SLC2A9: variants seen among roughly 807,000 people sequenced by gnomAD.
SLC2A9 encodes solute carrier family 2, facilitated glucose transporter member 9.
A neutral mutation model predicts 50.6 loss-of-function variants in SLC2A9; 39 were observed. The observed-to-expected ratio is 0.77, with a 90% confidence interval of 0.60 to 1.01. The LOEUF (loss-of-function observed/expected upper bound fraction) is 1.01. SLC2A9 is among the 50% of genes least tolerant of loss of function. SLC2A9 has a pLI of 0.00. For synonymous variants in SLC2A9, 324 were observed against 276.9 expected, an observed-to-expected ratio of 1.17 and a Z score of -1.69; for missense variants, 686 against 677.6, an observed-to-expected ratio of 1.01 and a Z score of -0.14.
chr4:9,986,202 CA>C (rs1433031245), intron 3 of SLC2A9, among the ~76,000 whole-genome samples: 1 of 152,130 alleles, frequency 6.6e-6, no homozygotes, highest in Non-Finnish European at 1.5e-5. Context: ...ACCGAGATGT[CA>C]AAAAGGAAGA....
chr4:10,037,430 C>A (rs1185026610), intron 1 of SLC2A9, among the ~76,000 whole-genome samples: 1 of 152,166 alleles, frequency 6.6e-6, no homozygotes. Flanking sequence ...CCTTTTTCTC[C>A]TGGCCTCCTC....
intron 4 of SLC2A9, among the ~76,000 whole-genome samples, chr4:9,984,200 C>T (rs1260546331): frequency 6.6e-6 from 1 of 152,206 alleles, no homozygotes; most frequent in South Asian, 2.1e-4. Flanking sequence ...GATTATTCCC[C>T]TCCAGCAGGG....
At chr4:9,800,948 C>T (rs938482158) in intron 3 of SLC2A9, among the ~76,000 whole-genome samples, 9 of 152,114 alleles carry the variant, frequency 5.9e-5, no homozygotes, top group Admixed American at 6.5e-5. Context: ...TGCAGTCAGG[C>T]GCAGTCCCTG....
In SLC2A9 at chr4:10,032,537, G is replaced by A. The variant is rs74393878; in HGVS notation, c.-40-6531C>T. ...AGCTGCTGGCTGCTGGGCTGTCAGG[G>A]TTGGGGAGAATGGGGGGATGGTGAC... On this transcript the variant is annotated intron_variant, in intron 1 of 12. Transcript: ENST00000309065. Among the ~76,000 whole-genome samples the A allele has an allele frequency of 1.1e-4, 17 of 152,218 alleles. 1 individual carries two copies. In the East Asian group the frequency reaches 3.3e-3, roughly 29 times the overall value.
rs1417182353 is a variant in SLC2A9, at chr4:10,008,898, T to C, written c.249+10077A>G. Among the ~76,000 whole-genome samples the C allele has an allele frequency of 5.0e-5, 7 of 139,720 alleles. No homozygotes were observed. The East Asian group carries it at 1.2e-3, about 24-fold the overall frequency. 91.7% of individuals were successfully genotyped at this position (139,720 alleles called of 152,430 possible). On this transcript the variant is annotated intron_variant, in intron 2 of 11. Transcript: ENST00000264784. ...GCTTCATTATCAAATTTCTGTGCGG[T>C]GGTTTTTTTTTTTTTTTTTCCTAAT...
downstream of SLC2A9, among the ~76,000 whole-genome samples, chr4:9,824,914 T>C (rs1384558500): frequency 6.6e-6 from 1 of 152,184 alleles, no homozygotes; most frequent in African/African-American, 2.4e-5. Context: ...CAAAGCTGGA[T>C]GGCATAGTGC....
chr4:9,782,928 T>G (rs1265529628), intron 3 of SLC2A9: 2 of 1,613,932 alleles, frequency 1.2e-6, no homozygotes, highest in Admixed American at 1.7e-5. Flanking sequence ...ACCCTGTCGG[T>G]GATCATGGGG....
At chr4:9,832,255 TGGG>T (rs1002904537) in intron 11 of SLC2A9, among the ~76,000 whole-genome samples, 4 of 152,072 alleles carry the variant, frequency 2.6e-5, no homozygotes, top group Non-Finnish European at 5.9e-5. Flanking sequence ...GGGCTGGGGT[TGGG>T]GGATGTGACT....
At chr4:9,813,941 C>CA (rs998865117) in intron 3 of SLC2A9, among the ~76,000 whole-genome samples, 4 of 151,412 alleles carry the variant, frequency 2.6e-5, no homozygotes, top group African/African-American at 2.4e-5. Flanking sequence ...ACTAAAAATA[C>CA]AAAAAAAGTA....
At chr4:10,002,157 G>A (rs563983763) in intron 2 of SLC2A9, among the ~76,000 whole-genome samples, 3 of 152,352 alleles carry the variant, frequency 2.0e-5, no homozygotes, top group African/African-American at 7.2e-5. Flanking sequence ...CATAGGACCA[G>A]CTCTGGGAGT....
chr4:9,859,102 G>C (rs1367666394), intron 10 of SLC2A9, among the ~76,000 whole-genome samples: 6 of 152,206 alleles, frequency 3.9e-5, no homozygotes, highest in Non-Finnish European at 8.8e-5. Flanking sequence ...TTTTGGACTT[G>C]AACTGATCCA....
At chr4:9,772,003 C>A (rs1236107611) in intron 1 of SLC2A9, among the ~76,000 whole-genome samples, 2 of 152,124 alleles carry the variant, frequency 1.3e-5, no homozygotes, top group Non-Finnish European at 2.9e-5. Flanking sequence ...AAGGGCCACA[C>A]TGAGGAGCTG....
intron 2 of SLC2A9, among the ~76,000 whole-genome samples, chr4:10,011,142 G>A (rs927448776): frequency 1.1e-4 from 16 of 152,002 alleles, no homozygotes; most frequent in African/African-American, 1.7e-4. Context: ...CCATACTGTC[G>A]GCCCTGCCAC....
At chr4:9,866,493 A>C (rs1052703834) in intron 10 of SLC2A9, among the ~76,000 whole-genome samples, 3 of 151,874 alleles carry the variant, frequency 2.0e-5, no homozygotes, top group Admixed American at 1.3e-4. Context: ...GTTTTCCTTC[A>C]CTTTGACCCT....
intron 5 of SLC2A9, among the ~76,000 whole-genome samples, chr4:9,965,374 A>G (rs987381659): frequency 6.6e-6 from 1 of 152,122 alleles, no homozygotes; most frequent in Non-Finnish European, 1.5e-5. Context: ...CTCATGGGAA[A>G]TTTTTCTGTA....
At chr4:9,835,825 A>T (rs1355634441) in intron 10 of SLC2A9, among the ~76,000 whole-genome samples, 1 of 152,094 alleles carries the variant, frequency 6.6e-6, no homozygotes. Flanking sequence ...GGTGGCTCAC[A>T]CCTGTAATCC....
At chr4:9,819,610 C>T (rs375665809) in intron 3 of SLC2A9, among the ~76,000 whole-genome samples, 1 of 152,096 alleles carries the variant, frequency 6.6e-6, no homozygotes, top group Admixed American at 6.5e-5. Flanking sequence ...ATTTTTATCC[C>T]AGCCTGTAGC....
At chr4:9,800,901 A>T (rs930864474) in intron 3 of SLC2A9, among the ~76,000 whole-genome samples, 4 of 152,074 alleles carry the variant, frequency 2.6e-5, no homozygotes, top group Non-Finnish European at 5.9e-5. Flanking sequence ...ATACCGAGGG[A>T]CAACTGTATT....
chr4:9,901,992 C>T (rs796879906), intron 8 of SLC2A9, among the ~76,000 whole-genome samples: 45 of 152,304 alleles, frequency 3.0e-4, no homozygotes, highest in African/African-American at 1.0e-3. Flanking sequence ...GGCGTACCCA[C>T]CCTACATGCC....
Sources: gnomAD v4.1 joint callset for allele counts (sites outside exome capture counted in the v4.1 genomes callset) on GRCh38, gnomAD v4.1.1 for gene constraint, MANE v1.5 for transcripts, NCBI Gene and HGNC (gene_info 2026-07-23, HGNC 2026-07-21) for gene names.